Variants in SORCS2 observed in about 807,000 individuals in gnomAD.
SORCS2 encodes the protein sortilin related VPS10 domain containing receptor 2, also known as VPS10 domain-containing receptor SorCS2.
Under a neutral mutation model 141.6 loss-of-function variants are expected in SORCS2, and 100 were observed. The observed-to-expected ratio is 0.71, with a 90% CI of 0.60 to 0.83. The LOEUF (loss-of-function observed/expected upper bound fraction) is 0.83, where lower values mean the gene tolerates loss of function less well. Among genes scored for constraint, SORCS2 ranks in the 40% least tolerant of loss-of-function variants. SORCS2 has a pLI of 0.00. For missense variants in SORCS2, 1,646 were observed against 1,560.2 expected (o/e 1.05, Z -0.93); for synonymous variants, 789 against 676.9 (o/e 1.17, Z -2.57).
intron 1 of SORCS2, among the ~76,000 whole-genome samples, chr4:7,357,918 G>GTTT (rs1393528907): frequency 2.0e-5 from 3 of 152,208 alleles, no homozygotes; most frequent in Non-Finnish European, 4.4e-5. Context: ...AAATGAAAAG[G>GTTT]AGCAGAAGAC....
At chr4:7,364,342 G>T (rs1412390374) in intron 1 of SORCS2, among the ~76,000 whole-genome samples, 3 of 152,214 alleles carry the variant, frequency 2.0e-5, no homozygotes, top group Non-Finnish European at 4.4e-5. Flanking sequence ...AAATGCACCT[G>T]TCTTTTCGGT....
chr4:7,623,650 C>T (rs1719344574), intron 3 of SORCS2, among the ~76,000 whole-genome samples: 1 of 152,164 alleles, frequency 6.6e-6, no homozygotes, highest in East Asian at 1.9e-4. Context: ...CGTCCTCGTT[C>T]CCTTCCTGCT....
intron 3 of SORCS2, among the ~76,000 whole-genome samples, chr4:7,634,975 A>G (rs956504158): frequency 7.2e-5 from 11 of 152,202 alleles, no homozygotes; most frequent in African/African-American, 2.4e-4. Flanking sequence ...CAGCACAAGG[A>G]AAGTCCCCAG....
At chr4:7,316,264 G>T (rs13111008) in intron 1 of SORCS2, among the ~76,000 whole-genome samples, 1 of 143,892 alleles carries the variant, frequency 6.9e-6, no homozygotes, top group Non-Finnish European at 1.6e-5. Flanking sequence ...GCATCCATTC[G>T]TGCATCCATC....
chr4:7,516,573 G>C (rs1441037520), intron 2 of SORCS2, among the ~76,000 whole-genome samples: 1 of 152,176 alleles, frequency 6.6e-6, no homozygotes, highest in Non-Finnish European at 1.5e-5. Context: ...GGACCTGGAG[G>C]GGTGGGGGCG....
intron 3 of SORCS2, among the ~76,000 whole-genome samples, chr4:7,576,315 A>T (rs10937837): frequency 0.25 from 38,362 of 152,192 alleles, 6,603 homozygotes; most frequent in East Asian, 0.71. Context: ...GAGCAATTGC[A>T]TCCTAAAGAT....
At chr4:7,404,470 C>T (rs959301808) in intron 2 of SORCS2, among the ~76,000 whole-genome samples, 1 of 152,092 alleles carries the variant, frequency 6.6e-6, no homozygotes, top group Admixed American at 6.6e-5. Context: ...TTTCCATGAA[C>T]AGTGTACAAG....
At position 7,366,460 on chromosome 4, in the gene SORCS2, C is replaced by A. The variant is rs139385353; in HGVS notation, c.481-29828C>A. On this transcript the variant is annotated intron_variant, in intron 1 of 26. Coordinates refer to ENST00000507866, the MANE Select transcript of SORCS2 (RefSeq NM_020777.3). ...GGTCAGTCCTCACGGTGGATGCCCC[C>A]TTTAGCGTGCCCCTCCCCCCCTCTC... Among the ~76,000 whole-genome samples, 17 of 100,052 alleles carry A rather than the reference C, an allele frequency of 1.7e-4. No individual in the cohort carries two copies. The East Asian group carries it at 5.5e-3, about 33-fold the overall frequency. The allele number at this position is 100,052 out of a possible 152,430, so 65.6% of individuals were successfully genotyped here.
intron 1 of SORCS2, among the ~76,000 whole-genome samples, chr4:7,374,781 C>A (rs558006117): frequency 6.6e-6 from 1 of 152,266 alleles, no homozygotes; most frequent in East Asian, 1.9e-4. Context: ...GTCACCTGGC[C>A]CCACAGCCAT....
chr4:7,264,916 C>T (rs1057044835), intron 1 of SORCS2, among the ~76,000 whole-genome samples: 5 of 152,252 alleles, frequency 3.3e-5, no homozygotes, highest in Admixed American at 1.3e-4. Flanking sequence ...TGAAGCTGCT[C>T]ATTCCCCTGC....
chr4:7,565,179 G>T (rs987432809), intron 3 of SORCS2, among the ~76,000 whole-genome samples: 6 of 152,150 alleles, frequency 3.9e-5, no homozygotes, highest in African/African-American at 7.2e-5. Context: ...GATAAGACAT[G>T]ATTTTAAAAA....
intron 1 of SORCS2, among the ~76,000 whole-genome samples, chr4:7,273,332 G>A (rs1715265440): frequency 6.6e-6 from 1 of 152,136 alleles, no homozygotes; most frequent in Admixed American, 6.5e-5. Flanking sequence ...TGCCCAGCAG[G>A]AAGCACCTCA....
intron 2 of SORCS2, among the ~76,000 whole-genome samples, chr4:7,509,930 A>G (rs1480168785): frequency 6.6e-6 from 1 of 152,282 alleles, no homozygotes; most frequent in South Asian, 2.1e-4. Flanking sequence ...ACGAAATTAC[A>G]TCTCTCTCAA....
chr4:7,330,291 C>A (rs1268387208), intron 1 of SORCS2, among the ~76,000 whole-genome samples: 1 of 152,074 alleles, frequency 6.6e-6, no homozygotes, highest in Non-Finnish European at 1.5e-5. Context: ...CGTGAGGCGA[C>A]GTTCCCAGGT....
At chr4:7,701,584 C>A (rs887509231) in intron 12 of SORCS2, among the ~76,000 whole-genome samples, 1 of 152,174 alleles carries the variant, frequency 6.6e-6, no homozygotes, top group Non-Finnish European at 1.5e-5. Context: ...GTAAGTGTCA[C>A]GGAAGCATTG....
chr4:7,297,624 C>G (rs1176369070), intron 1 of SORCS2, among the ~76,000 whole-genome samples: 2 of 152,212 alleles, frequency 1.3e-5, no homozygotes, highest in Non-Finnish European at 2.9e-5. Flanking sequence ...GGCTGCTGTT[C>G]CTAGATCCTC....
chr4:7,627,816 G>A (rs79205183), intron 3 of SORCS2, among the ~76,000 whole-genome samples: 1,718 of 152,360 alleles, frequency 0.011, 12 homozygotes, highest in Non-Finnish European at 0.015. Flanking sequence ...ACCAGTGTTG[G>A]TTAGAAACCA....
At position 7,335,148 on chromosome 4, in the gene SORCS2, C is replaced by T. The variant is rs1719905472; in HGVS notation, c.481-61140C>T. ...TGGGAATCTGTGCCGTGGTCAGATC[C>T]AAATTTGTGTTAGAAATTCTGAGTA... On this transcript the variant is annotated intron_variant, in intron 1 of 26. Transcript: ENST00000507866. 2.0e-5 allele frequency among the ~76,000 whole-genome samples: 3 copies of T among 152,230 alleles called. No homozygotes were observed. In the South Asian group the frequency reaches 6.2e-4, roughly 32 times the overall value.
At chr4:7,434,912 C>A in intron 2 of SORCS2, 1 of 1,499,936 alleles carries the variant, frequency 6.7e-7, no homozygotes, top group Admixed American at 2.4e-5. Flanking sequence ...CCAGAGTACC[C>A]AGCAGTGGCT....
Sources: gnomAD v4.1 joint callset for allele counts (sites outside exome capture counted in the v4.1 genomes callset) on GRCh38, gnomAD v4.1.1 for gene constraint, MANE v1.5 for transcripts, NCBI Gene and HGNC (gene_info 2026-07-23, HGNC 2026-07-21) for gene names.